SLC71A1: variants seen among roughly 807,000 people sequenced by gnomAD.
The protein encoded by SLC71A1 is hippocampus abundant gene transcript 1.
At chr1:100,058,979 T>A in the SLC71A1 span, among the ~76,000 whole-genome samples, 7 of 151,964 alleles carry the variant, frequency 4.6e-5, no homozygotes, top group Non-Finnish European at 1.0e-4. Context: ...CATAACAGAT[T>A]CCCTGTTTTT....
At chr1:100,044,879 C>G in the SLC71A1 span, among the ~76,000 whole-genome samples, 1 of 152,084 alleles carries the variant, frequency 6.6e-6, no homozygotes, top group Non-Finnish European at 1.5e-5. Flanking sequence ...ATTTTTATAC[C>G]AGTACCATGC....
chr1:100,044,655 A>G, the SLC71A1 span, among the ~76,000 whole-genome samples: 2 of 151,680 alleles, frequency 1.3e-5, no homozygotes, highest in Non-Finnish European at 2.9e-5. Flanking sequence ...AGCTGGGATT[A>G]CAGGCACACA....
At chr1:100,066,729 C>T in the SLC71A1 span, among the ~76,000 whole-genome samples, 15 of 152,110 alleles carry the variant, frequency 9.9e-5, no homozygotes, top group Admixed American at 9.2e-4. Context: ...GTGGCTCACG[C>T]CTGTAATCCC....
the SLC71A1 span, among the ~76,000 whole-genome samples, chr1:100,069,913 A>G: frequency 6.6e-6 from 1 of 152,234 alleles, no homozygotes; most frequent in South Asian, 2.1e-4. Context: ...GATGTATACT[A>G]GGATATATGT....
the SLC71A1 span, chr1:100,083,140 G>A: frequency 6.6e-6 from 1 of 152,310 alleles, no homozygotes; most frequent in Admixed American, 6.6e-5. Context: ...TACAATTACC[G>A]ATGTGAATTT....
the SLC71A1 span, among the ~76,000 whole-genome samples, chr1:100,074,535 C>T: frequency 1.3e-5 from 2 of 148,790 alleles, no homozygotes; most frequent in Non-Finnish European, 3.0e-5. Context: ...GCCAGCATTG[C>T]GCCACAGCAC....
At chr1:100,045,317 G>A in the SLC71A1 span, among the ~76,000 whole-genome samples, 1 of 152,152 alleles carries the variant, frequency 6.6e-6, no homozygotes, top group Non-Finnish European at 1.5e-5. Flanking sequence ...CTGGAATATA[G>A]CAGTGCTATT....
chr1:100,050,033 T>G, the SLC71A1 span: 4 of 1,154,320 alleles, frequency 3.5e-6, no homozygotes, highest in African/African-American at 4.6e-5. Flanking sequence ...TATTTAACAC[T>G]GACTCCAAAA....
the SLC71A1 span, among the ~76,000 whole-genome samples, chr1:100,074,627 C>A: frequency 1.3e-5 from 2 of 150,834 alleles, no homozygotes; most frequent in Admixed American, 1.3e-4. Context: ...GCCTGAGATA[C>A]CAGCACTTTG....
chr1:100,068,921 T>C, the SLC71A1 span, among the ~76,000 whole-genome samples: 1 of 152,120 alleles, frequency 6.6e-6, no homozygotes. Context: ...AGGCGGAGGC[T>C]GCAGTGAGCC....
chr1:100,083,206 TA>T, the SLC71A1 span: 4 of 152,542 alleles, frequency 2.6e-5, no homozygotes, highest in African/African-American at 7.2e-5. Context: ...TGTTACTTTG[TA>T]AAAATTGTAT....
At chr1:100,070,941 A>G in the SLC71A1 span, among the ~76,000 whole-genome samples, 1 of 152,106 alleles carries the variant, frequency 6.6e-6, no homozygotes, top group Non-Finnish European at 1.5e-5. Flanking sequence ...TGAGTTTAGC[A>G]ACAAATTTCA....
At chr1:100,068,780 C>G in the SLC71A1 span, among the ~76,000 whole-genome samples, 1 of 152,124 alleles carries the variant, frequency 6.6e-6, no homozygotes, top group African/African-American at 2.4e-5. Flanking sequence ...GTCAGGAGAT[C>G]AAGACCAGCC....
chr1:100,071,051 C>CA, the SLC71A1 span, among the ~76,000 whole-genome samples: 7 of 152,174 alleles, frequency 4.6e-5, no homozygotes, highest in African/African-American at 1.7e-4. Context: ...TAAAAATCAT[C>CA]AGTCTGGAAA....
chr1:100,076,568 G>T, the SLC71A1 span, among the ~76,000 whole-genome samples: 24 of 152,136 alleles, frequency 1.6e-4, no homozygotes, highest in Non-Finnish European at 1.2e-4. Context: ...TTTGCAAAGA[G>T]ACAAAAGTGA....
chr1:100,055,157 A>G, the SLC71A1 span, among the ~76,000 whole-genome samples: 2 of 152,220 alleles, frequency 1.3e-5, no homozygotes, highest in Admixed American at 6.5e-5. Flanking sequence ...CATTCTTTCT[A>G]ACACCAAACC....
chr1:100,049,898 G>C, the SLC71A1 span: 1 of 1,487,980 alleles, frequency 6.7e-7, no homozygotes, highest in Non-Finnish European at 9.2e-7. Context: ...AAAAAATCTT[G>C]TTTTTTATAG....
chr1:100,038,391 G>T, the SLC71A1 span: 5 of 1,193,486 alleles, frequency 4.2e-6, no homozygotes. Flanking sequence ...CCACACTGCC[G>T]TCTCTAGGCG....
the SLC71A1 span, among the ~76,000 whole-genome samples, chr1:100,059,342 T>G: frequency 6.6e-6 from 1 of 151,406 alleles, no homozygotes; most frequent in Non-Finnish European, 1.5e-5. Context: ...GTATTTTTAG[T>G]AGAGACAGGG....
Sources: gnomAD v4.1 joint callset for allele counts (sites outside exome capture counted in the v4.1 genomes callset) on GRCh38, gnomAD v4.1.1 for gene constraint, MANE v1.5 for transcripts, NCBI Gene and HGNC (gene_info 2026-07-23, HGNC 2026-07-21) for gene names.